The following FAM110B variants were observed in gnomAD, a reference collection of about 807,000 sequenced individuals.
FAM110B encodes the protein protein FAM110B.
FAM110B carries 6 observed loss-of-function variants against 20.4 expected under a neutral mutation model. The observed-to-expected ratio is 0.29, with a 90% CI of 0.16 to 0.58. The LOEUF is 0.58. Among genes scored for constraint, FAM110B ranks in the 20% least tolerant of loss-of-function variants. The pLI is 0.90. For synonymous variants in FAM110B, 226 were observed against 214.1 expected (o/e 1.06, Z -0.49); for missense variants, 434 against 498.2 (o/e 0.87, Z 1.23).
intron 2 of FAM110B, among the ~76,000 whole-genome samples, chr8:58,045,388 T>G (rs1805300252): frequency 6.6e-6 from 1 of 152,214 alleles, no homozygotes; most frequent in Non-Finnish European, 1.5e-5. Flanking sequence ...GTTTCTTGAC[T>G]GCTCTATCCC....
chr8:58,033,834 G>A (rs998125232), intron 2 of FAM110B, among the ~76,000 whole-genome samples: 24 of 152,084 alleles, frequency 1.6e-4, no homozygotes, highest in Non-Finnish European at 3.1e-4. Flanking sequence ...ATTGCCACAC[G>A]TCTTCCTCCT....
At chr8:58,136,310 C>T (rs1803614440) in intron 3 of FAM110B, among the ~76,000 whole-genome samples, 1 of 152,016 alleles carries the variant, frequency 6.6e-6, no homozygotes, top group Admixed American at 6.6e-5. Context: ...GTGCCCCGGC[C>T]CAGCAAGTCT....
In FAM110B at chr8:58,081,351, C is replaced by T. The variant is rs560470313; in HGVS notation, c.-325+5728C>T. ...CCTCCCAAGTAGCTAGGATTGCAGGCGTGTGCTACCATGCCTGGCTAATTT... is the reference window on the plus strand; with the variant it reads ...CCTCCCAAGTAGCTAGGATTGCAGGTGTGTGCTACCATGCCTGGCTAATTT... On this transcript the variant is annotated intron_variant, in intron 3 of 3. Transcript: ENST00000519262. Among the ~76,000 whole-genome samples the T allele has an allele frequency of 4.9e-4, 75 of 152,236 alleles. 1 individual carries two copies. The highest frequency in any genetic ancestry group is 2.3e-3 in the South Asian group (11 of 4,822).
At chr8:58,026,444 A>G (rs922447760) in intron 1 of FAM110B, among the ~76,000 whole-genome samples, 5 of 152,028 alleles carry the variant, frequency 3.3e-5, no homozygotes, top group Non-Finnish European at 5.9e-5. Flanking sequence ...TTTGATCTGC[A>G]CTTGATATTA....
intron 2 of FAM110B, among the ~76,000 whole-genome samples, chr8:58,072,456 G>T (rs529257716): frequency 5.9e-5 from 9 of 152,282 alleles, no homozygotes; most frequent in African/African-American, 1.4e-4. Flanking sequence ...CACCAAAGAG[G>T]CTTCTTTATA....
intron 2 of FAM110B, among the ~76,000 whole-genome samples, chr8:58,052,115 G>C (rs1039238751): frequency 6.6e-6 from 1 of 152,122 alleles, no homozygotes; most frequent in Non-Finnish European, 1.5e-5. Flanking sequence ...CAAAACATGG[G>C]AATCATCTGT....
At chr8:58,124,945 T>G (rs1473286237) in intron 3 of FAM110B, among the ~76,000 whole-genome samples, 1 of 152,216 alleles carries the variant, frequency 6.6e-6, no homozygotes, top group Non-Finnish European at 1.5e-5. Flanking sequence ...TTGGTGCTGA[T>G]TTTTTTAAAA....
chr8:58,132,991 G>A (rs1274895123), intron 3 of FAM110B, among the ~76,000 whole-genome samples: 1 of 151,994 alleles, frequency 6.6e-6, no homozygotes, highest in Admixed American at 6.6e-5. Context: ...GAAGCAAGTG[G>A]TATCATTTTA....
intron 3 of FAM110B, among the ~76,000 whole-genome samples, chr8:58,096,053 G>A (rs1806618614): frequency 1.3e-5 from 2 of 152,138 alleles, no homozygotes; most frequent in Admixed American, 1.3e-4. Flanking sequence ...CAGAGACTAG[G>A]ATTGCAACCC....
intron 2 of FAM110B, among the ~76,000 whole-genome samples, chr8:58,061,275 C>A (rs908399884): frequency 1.3e-5 from 2 of 152,180 alleles, no homozygotes; most frequent in African/African-American, 4.8e-5. Context: ...CTCTTGACCC[C>A]TGGAAGGGTT....
intron 2 of FAM110B, among the ~76,000 whole-genome samples, chr8:58,057,573 T>C (rs1452916630): frequency 1.3e-5 from 2 of 152,314 alleles, no homozygotes; most frequent in African/African-American, 4.8e-5. Context: ...TTTCTCAGCC[T>C]CCACCCTTTT....
At chr8:58,103,380 T>A (rs995215495) in intron 3 of FAM110B, among the ~76,000 whole-genome samples, 6 of 143,414 alleles carry the variant, frequency 4.2e-5, no homozygotes, top group Non-Finnish European at 6.1e-5. Context: ...TGTCCATGTG[T>A]TCTCATTGTT....
intron 3 of FAM110B, among the ~76,000 whole-genome samples, chr8:58,128,151 C>G (rs557524080): frequency 2.9e-4 from 44 of 152,312 alleles, no homozygotes; most frequent in Non-Finnish European, 8.8e-5. Context: ...ATCACCTTCA[C>G]TATCACCCTG....
At position 58,121,145 on chromosome 8, in the gene FAM110B, G is replaced by A. The variant is rs930242363; in HGVS notation, c.-324-24762G>A. Among the ~76,000 whole-genome samples the A allele has an allele frequency of 5.3e-5, 8 of 152,136 alleles. No individual in the cohort carries two copies. In the East Asian group the frequency reaches 5.8e-4, roughly 11 times the overall value. On this transcript the variant is annotated intron_variant, in intron 3 of 3. Transcript: ENST00000519262. ...TCAGCACTGTAATAGGATGAGGCGC[G>A]ATGAGCCTCCAGATGCTGTGTGGCT...
At chr8:58,101,987 C>G (rs980459923) in intron 3 of FAM110B, among the ~76,000 whole-genome samples, 5 of 152,188 alleles carry the variant, frequency 3.3e-5, no homozygotes, top group Non-Finnish European at 7.3e-5. Flanking sequence ...AGAAGGTGCT[C>G]AGTCCCTACA....
At chr8:58,044,572 C>G (rs1157357123) in intron 2 of FAM110B, among the ~76,000 whole-genome samples, 1 of 152,162 alleles carries the variant, frequency 6.6e-6, no homozygotes, top group African/African-American at 2.4e-5. Flanking sequence ...AACTAAGTAC[C>G]TGCACTCATT....
chr8:58,016,133 A>G (rs1804632584), intron 1 of FAM110B, among the ~76,000 whole-genome samples: 1 of 152,162 alleles, frequency 6.6e-6, no homozygotes, highest in African/African-American at 2.4e-5. Context: ...GGCCAGAGGG[A>G]ACTGGAACAC....
chr8:58,038,722 A>G (rs1439342013), intron 2 of FAM110B, among the ~76,000 whole-genome samples: 3 of 151,916 alleles, frequency 2.0e-5, no homozygotes, highest in African/African-American at 7.3e-5. Flanking sequence ...ACTGTACTCC[A>G]GCCTGGGTGA....
intron 3 of FAM110B, among the ~76,000 whole-genome samples, chr8:58,094,210 T>C (rs1235745180): frequency 1.3e-5 from 2 of 152,228 alleles, no homozygotes; most frequent in African/African-American, 4.8e-5. Context: ...ACAATTTGAC[T>C]TCCTCTCTTC....
Sources: allele counts gnomAD v4.1 joint callset (sites outside exome capture counted in the v4.1 genomes callset), GRCh38; gene constraint gnomAD v4.1.1; transcripts MANE v1.5; gene names NCBI Gene and HGNC (gene_info 2026-07-23, HGNC 2026-07-21).